The following SLC25A21 variants were observed in gnomAD, a reference collection of about 807,000 sequenced individuals.
SLC25A21 encodes the protein mitochondrial 2-oxodicarboxylate carrier.
SLC25A21 carries 47 observed loss-of-function variants against 43.8 expected under a neutral mutation model. The observed-to-expected ratio is 1.07, with a 90% CI of 0.85 to 1.37. SLC25A21 has a LOEUF of 1.37. SLC25A21 is among the 40% of genes most tolerant of loss of function. SLC25A21 has a pLI of 0.00. For missense variants in SLC25A21, 352 were observed against 350.2 expected (o/e 1.00, Z -0.04); for synonymous variants, 131 against 121.3 (o/e 1.08, Z -0.52).
chr14:36,875,081 C>T (rs925360140), intron 1 of SLC25A21, 77 bp from the exon 2 acceptor site: 22 of 1,199,488 alleles, frequency 1.8e-5, no homozygotes, highest in African/African-American at 3.0e-5. Context: ...GTCGATTTCT[C>T]GAGTGTGAGG....
chr14:37,147,128 C>A (rs536565471), intron 1 of SLC25A21, among the ~76,000 whole-genome samples: 1 of 152,114 alleles, frequency 6.6e-6, no homozygotes, highest in Non-Finnish European at 1.5e-5. Flanking sequence ...AGGACTAGGG[C>A]CTCTTGGAAG....
At chr14:36,902,805 T>C (rs1263345629) in intron 1 of SLC25A21, among the ~76,000 whole-genome samples, 3 of 152,032 alleles carry the variant, frequency 2.0e-5, no homozygotes, top group African/African-American at 4.8e-5. Flanking sequence ...CAGACTAGCT[T>C]GGGCATCTCT....
chr14:36,774,837 C>T (rs1886763789), intron 3 of SLC25A21, among the ~76,000 whole-genome samples: 1 of 152,074 alleles, frequency 6.6e-6, no homozygotes, highest in Non-Finnish European at 1.5e-5. Flanking sequence ...GGATTTCTTA[C>T]CTTAGTAATA....
chr14:36,772,048 C>T (rs1266939514), intron 3 of SLC25A21, among the ~76,000 whole-genome samples: 1 of 152,102 alleles, frequency 6.6e-6, no homozygotes, highest in East Asian at 1.9e-4. Flanking sequence ...GGAAAGTTTG[C>T]CAAACCCTAA....
At chr14:36,698,926 T>C (rs2139166233) in intron 7 of SLC25A21, among the ~76,000 whole-genome samples, 1 of 152,288 alleles carries the variant, frequency 6.6e-6, no homozygotes, top group African/African-American at 2.4e-5. Context: ...TTCTGTCAAC[T>C]CGTCAAACTC....
In SLC25A21 at chr14:36,678,854, T is replaced by TATC. The variant is rs1882042643; in HGVS notation, c.*1801_*1803dup. 1.0e-6 allele frequency: 1 copy of TATC among 976,176 alleles called. No homozygotes were observed. The highest frequency in any genetic ancestry group is 1.7e-5 in the African/African-American group (1 of 57,438). The allele number at this position is 976,176 out of a possible 1,614,324, so 60.5% of individuals were successfully genotyped here. On this transcript the variant is annotated 3_prime_UTR_variant, in exon 10 of 10. Coordinates refer to ENST00000331299, the MANE Select transcript of SLC25A21 (RefSeq NM_030631.4). ...TTCACATGGAGTAATTTTTAAAAGA[T>TATC]ATCAGATACAATTTGCTATTCAAAG...
intron 1 of SLC25A21, among the ~76,000 whole-genome samples, chr14:36,919,622 C>CCTAT (rs3061765): frequency 0.074 from 4,559 of 61,388 alleles, 83 homozygotes; most frequent in Non-Finnish European, 0.092. Context: ...TATCTATCTA[C>CCTAT]CTATCTATCT....
In SLC25A21 at chr14:36,845,311, G is replaced by A. The variant is rs1207616618; in HGVS notation, c.119+29645C>T. 2.6e-5 allele frequency among the ~76,000 whole-genome samples: 4 copies of A among 152,266 alleles called. No homozygotes were observed. In the East Asian group the frequency reaches 7.7e-4, roughly 29 times the overall value. On this transcript the variant is annotated intron_variant, in intron 2 of 9. Transcript: ENST00000331299. ...TGCATAGGATAACAATATAGAAATT[G>A]ATGGATTTCTGAAAAAAAGTATGTT...
At position 37,004,553 on chromosome 14, in the gene SLC25A21, T is replaced by G. The variant is rs570204006; in HGVS notation, c.71-129549A>C. On this transcript the variant is annotated intron_variant, in intron 1 of 9. Transcript: ENST00000331299. ...AGGAAGACAGATGGATTGAACATTT[T>G]CTGTGCCACCAAGTGGCTAATGATT... 4.6e-5 allele frequency among the ~76,000 whole-genome samples: 7 copies of G among 152,322 alleles called. No homozygotes were observed. In the South Asian group the frequency reaches 1.4e-3, roughly 32 times the overall value.
chr14:36,876,813 CAT>C (rs111276484), intron 1 of SLC25A21, among the ~76,000 whole-genome samples: 2 of 149,462 alleles, frequency 1.3e-5, no homozygotes, highest in African/African-American at 2.5e-5. Context: ...ATCTGACTCA[CAT>C]ATATATATAT....
intron 3 of SLC25A21, among the ~76,000 whole-genome samples, chr14:36,788,464 G>A (rs1594588264): frequency 6.6e-6 from 1 of 150,650 alleles, no homozygotes. Flanking sequence ...CACCGAGGCA[G>A]GCGGCTGGGT....
At chr14:36,994,102 A>T (rs1238293822) in intron 1 of SLC25A21, among the ~76,000 whole-genome samples, 2 of 152,200 alleles carry the variant, frequency 1.3e-5, no homozygotes, top group African/African-American at 4.8e-5. Flanking sequence ...TTCTAGTAAC[A>T]GATTTATCTC....
intron 1 of SLC25A21, among the ~76,000 whole-genome samples, chr14:37,001,331 G>T (rs1960484657): frequency 6.6e-6 from 1 of 152,104 alleles, no homozygotes; most frequent in Admixed American, 6.6e-5. Context: ...CATGGGATCT[G>T]TAAGAAATAG....
chr14:36,700,862 G>C (rs1436949319), intron 7 of SLC25A21, among the ~76,000 whole-genome samples: 2 of 152,194 alleles, frequency 1.3e-5, no homozygotes, highest in African/African-American at 2.4e-5. Flanking sequence ...CAACCGCAAG[G>C]CAAATAATAG....
At chr14:36,838,120 C>G (rs1357689474) in intron 2 of SLC25A21, among the ~76,000 whole-genome samples, 2 of 152,160 alleles carry the variant, frequency 1.3e-5, no homozygotes, top group African/African-American at 4.8e-5. Flanking sequence ...GAGTCAGAGT[C>G]AGGAGGTGAA....
chr14:37,064,473 T>C (rs1962018546), intron 1 of SLC25A21, among the ~76,000 whole-genome samples: 1 of 152,088 alleles, frequency 6.6e-6, no homozygotes, highest in Non-Finnish European at 1.5e-5. Flanking sequence ...AGAACCCTAA[T>C]ACAGTCACCA....
intron 1 of SLC25A21, among the ~76,000 whole-genome samples, chr14:37,079,935 G>T (rs79431620): frequency 0.055 from 8,322 of 152,218 alleles, 309 homozygotes; most frequent in African/African-American, 0.1. Context: ...TGAATGGAAA[G>T]AGTGCCCTTA....
chr14:36,994,382 G>A (rs1457291807), intron 1 of SLC25A21, among the ~76,000 whole-genome samples: 1 of 152,190 alleles, frequency 6.6e-6, no homozygotes, highest in African/African-American at 2.4e-5. Context: ...AAGGTAATCA[G>A]ACATTTCCTT....
intron 1 of SLC25A21, among the ~76,000 whole-genome samples, chr14:36,903,307 A>C (rs1374391205): frequency 1.3e-5 from 2 of 152,162 alleles, no homozygotes; most frequent in East Asian, 3.9e-4. Context: ...CTGTATCCAG[A>C]AAATGGCCCA....
Sources: gnomAD v4.1 joint callset for allele counts (sites outside exome capture counted in the v4.1 genomes callset) on GRCh38, gnomAD v4.1.1 for gene constraint, MANE v1.5 for transcripts, NCBI Gene and HGNC (gene_info 2026-07-23, HGNC 2026-07-21) for gene names.